Variants in CDHR3 observed in about 807,000 individuals in gnomAD.
CDHR3 encodes cadherin related family member 3, also known as cadherin-related family member 3.
A neutral mutation model predicts 86.6 loss-of-function variants in CDHR3; 79 were observed. The ratio of observed to expected loss-of-function variants is 0.91; its 90% confidence interval spans 0.76 to 1.10. The LOEUF is 1.10. Ranked by LOEUF, CDHR3 falls within the 50% of genes least tolerant of loss-of-function variation. The probability of loss-of-function intolerance (pLI) is 0.00; values close to 1 mark genes in which losing one functional copy is unlikely to be tolerated. For synonymous variants in CDHR3, 421 were observed against 402.4 expected (o/e 1.05, Z -0.55); for missense variants, 1,081 against 1,077.6 (o/e 1.00, Z -0.04).
At chr7:105,985,925 G>T (rs769899351) in intron 4 of CDHR3, among the ~76,000 whole-genome samples, 1 of 152,140 alleles carries the variant, frequency 6.6e-6, no homozygotes, top group Admixed American at 6.5e-5. Flanking sequence ...GTTCAGCACT[G>T]GTGCATCTGC....
Position 106,032,608 on chromosome 7 carries a change from A to G in CDHR3, c.2569A>G (p.Arg857Gly). Residue 857 changes from arginine (R) to glycine (G), a missense_variant, in exon 19 of 19, where the codon AGA becomes GGA. Transcript: ENST00000317716. ...AWAEDAGLGSRNEGGKLGNPK... is the reference protein window; with the variant it reads ...AWAEDAGLGSGNEGGKLGNPK... ...GGCTGAGGATGCTGGTCTGGGTTCCAGAAATGAGGGTGGCAAGCTGGGCAA... is the reference window on the plus strand; with the variant it reads ...GGCTGAGGATGCTGGTCTGGGTTCCGGAAATGAGGGTGGCAAGCTGGGCAA... 3 of 1,613,980 alleles carry G rather than the reference A, an allele frequency of 1.9e-6. No individual in the cohort carries two copies. Among genetic ancestry groups the G allele is most frequent in the Non-Finnish European group, 2.5e-6 (3 of 1,179,872 alleles).
In CDHR3 at chr7:106,004,573, T is replaced by G; in HGVS notation, c.938T>G (p.Leu313Arg). 6.2e-7 allele frequency: 1 copy of G among 1,614,018 alleles called. No homozygotes were observed. Among genetic ancestry groups the G allele is most frequent in the Non-Finnish European group, 8.5e-7 (1 of 1,179,882 alleles). The change falls in exon 8 of 19, where the codon CTG (leucine) becomes CGG (arginine). Residue 313 changes from leucine (L) to arginine (R), a missense_variant. Transcript: ENST00000317716. ...TTGAGACAAAATCCCACCATTTCCCTGGAAGTTCTAGTGAAGGACAGACCA... is the reference window on the plus strand; with the variant it reads ...TTGAGACAAAATCCCACCATTTCCCGGGAAGTTCTAGTGAAGGACAGACCA... ...GELRQNPTIS[L>R]EVLVKDRPYG...
chr7:105,970,028 C>T (rs971338091), intron 1 of CDHR3, among the ~76,000 whole-genome samples: 4 of 152,202 alleles, frequency 2.6e-5, no homozygotes, highest in Admixed American at 2.0e-4. Flanking sequence ...CCAAATCTCT[C>T]GTTCTTTTCA....
At chr7:106,004,946 C>T (rs1833746849) in intron 8 of CDHR3, 5 of 474,736 alleles carry the variant, frequency 1.1e-5, no homozygotes, top group Non-Finnish European at 1.5e-5. Context: ...ATTTTGCTCC[C>T]TTCTATATCT....
intron 4 of CDHR3, among the ~76,000 whole-genome samples, chr7:105,987,634 GTC>G (rs1830717417): frequency 6.6e-6 from 1 of 152,156 alleles, no homozygotes. Flanking sequence ...GAACACGGAT[GTC>G]TGTGTCCCAC....
chr7:106,014,620 G>C (rs890325907), intron 9 of CDHR3, among the ~76,000 whole-genome samples: 10 of 152,040 alleles, frequency 6.6e-5, no homozygotes, highest in African/African-American at 2.4e-4. Context: ...CAACAAAGGG[G>C]ACCCCTATCT....
chr7:105,991,939 A>G (rs1279361722), intron 4 of CDHR3, among the ~76,000 whole-genome samples: 4 of 152,326 alleles, frequency 2.6e-5, no homozygotes, highest in Non-Finnish European at 5.9e-5. Context: ...AGGCACTCAC[A>G]TGGCTACAAA....
At chr7:106,021,758 GA>G (rs944016982) in intron 13 of CDHR3, among the ~76,000 whole-genome samples, 8 of 152,252 alleles carry the variant, frequency 5.3e-5, no homozygotes, top group African/African-American at 1.9e-4. Context: ...AGCATGCAGT[GA>G]ACTTGGCCTA....
chr7:105,980,427 A>G (rs1290563153), intron 2 of CDHR3, among the ~76,000 whole-genome samples: 1 of 135,736 alleles, frequency 7.4e-6, no homozygotes, highest in Non-Finnish European at 1.7e-5. Flanking sequence ...TTTTTTATTT[A>G]TTTTTGTAAT....
intron 4 of CDHR3, among the ~76,000 whole-genome samples, chr7:105,991,274 A>G (rs1831315759): frequency 6.6e-6 from 1 of 152,356 alleles, no homozygotes; most frequent in Admixed American, 6.5e-5. Context: ...GCAAATGGCC[A>G]CATGACACAA....
Position 106,033,009 on chromosome 7 carries a change from T to G in CDHR3, c.*312T>G, listed in dbSNP as rs1838604828. ...TTCTTTGCATTGACTGCTAGGAAGC[T>G]CTATTCTGTTCACCATAGAAAGTTT... is the stretch of plus-strand genomic sequence containing the variant. On this transcript the variant is annotated 3_prime_UTR_variant, in exon 19 of 19. Transcript: ENST00000317716. The G allele has an allele frequency of 3.2e-6, 1 of 308,234 alleles. No homozygotes were observed. Among genetic ancestry groups the G allele is most frequent in the Non-Finnish European group, 6.0e-6 (1 of 165,694 alleles). The allele number at this position is 308,234 out of a possible 1,614,324, so 19.1% of individuals were successfully genotyped here. A position where few individuals can be genotyped will look rare whatever the true frequency, so the allele number is the denominator to read the frequency against.
At chr7:105,974,718 C>T (rs1385013497) in intron 1 of CDHR3, 126 bp from the exon 2 acceptor site, 5 of 697,818 alleles carry the variant, frequency 7.2e-6, no homozygotes, top group Admixed American at 5.0e-5. Context: ...CGTTTGTTCT[C>T]GGGGAGTGAC....
chr7:106,034,883 G>T lies in CDHR3; in HGVS notation c.*2186G>T, dbSNP rs1437852777. 6.6e-6 allele frequency among the ~76,000 whole-genome samples: 1 copy of T among 152,178 alleles called. No individual in the cohort carries two copies. Among genetic ancestry groups the T allele is most frequent in the Non-Finnish European group, 1.5e-5 (1 of 68,038 alleles). On this transcript the variant is annotated 3_prime_UTR_variant, in exon 19 of 19. Coordinates refer to ENST00000317716, the MANE Select transcript of CDHR3 (RefSeq NM_152750.5). ...ACCTGAGGTCAGGAGTTTGAGACCA[G>T]CCTGGCCAACATGGTGAAACCCTGT...
At chr7:105,980,623 A>ATTTTTTTTTTTTTTTTTTTTTTTTTT (rs55880404) in intron 2 of CDHR3, among the ~76,000 whole-genome samples, 3 of 108,156 alleles carry the variant, frequency 2.8e-5, no homozygotes, top group African/African-American at 3.8e-5. Flanking sequence ...TTTTTTTTTA[A>ATTTTTTTTTTTTTTTTTTTTTTTTTT]TTTTTTTTTT....
chr7:106,018,145 T>A, intron 12 of CDHR3, 73 bp downstream of exon 12: 1 of 1,220,482 alleles, frequency 8.2e-7, no homozygotes, highest in African/African-American at 1.5e-5. Context: ...ACCCCCAGAG[T>A]GTGGATGTGG....
chr7:106,009,941 G>A (rs116277646), intron 8 of CDHR3, among the ~76,000 whole-genome samples: 2 of 152,216 alleles, frequency 1.3e-5, no homozygotes, highest in African/African-American at 4.8e-5. Flanking sequence ...AGCGAGGGCA[G>A]CTCGCTTTTG....
rs1333710453 is a variant in CDHR3 at position 106,030,956 on chromosome 7, T to C, written c.2353+116T>C. 4 of 1,017,844 alleles carry C rather than the reference T, an allele frequency of 3.9e-6. No homozygotes were observed. In the African/African-American group the frequency reaches 6.4e-5, roughly 16 times the overall value. 63.1% of individuals were successfully genotyped at this position (1,017,844 alleles called of 1,614,324 possible). ...CTCATTTTGTCAATCCGTTTGGCTATGTTGCCTATATAGTGCTGACTCTTC... is the reference window on the plus strand; with the variant it reads ...CTCATTTTGTCAATCCGTTTGGCTACGTTGCCTATATAGTGCTGACTCTTC... On this transcript the variant is annotated intron_variant, in intron 18 of 18. Transcript: ENST00000317716. This position sits in a 1 kb window ranked among gnomAD's most constrained non-coding sequence, Gnocchi z 4.8.
At chr7:105,979,509 C>A (rs2115666623) in intron 2 of CDHR3, among the ~76,000 whole-genome samples, 1 of 152,306 alleles carries the variant, frequency 6.6e-6, no homozygotes, top group African/African-American at 2.4e-5. Flanking sequence ...CGAAGCCTTC[C>A]CCAGCTAAAC....
chr7:105,996,847 G>A (rs373129435), intron 6 of CDHR3, among the ~76,000 whole-genome samples: 2 of 152,142 alleles, frequency 1.3e-5, no homozygotes, highest in Non-Finnish European at 2.9e-5. Flanking sequence ...AAAGTGATCC[G>A]GCTGTGTCTG....
Sources: allele counts gnomAD v4.1 joint callset (sites outside exome capture counted in the v4.1 genomes callset), GRCh38; gene constraint gnomAD v4.1.1; non-coding constraint Gnocchi (gnomAD v3.1); transcripts MANE v1.5; gene names NCBI Gene and HGNC (gene_info 2026-07-23, HGNC 2026-07-21).